SPANXB1: variants seen among roughly 807,000 people sequenced by gnomAD.
SPANXB1 encodes SPANX family member B1, also known as sperm protein associated with the nucleus on the X chromosome B1.
SPANXB1 carries 1 observed loss-of-function variant against 2.0 expected under a neutral mutation model. The ratio of observed to expected loss-of-function variants is 0.49; its 90% CI spans 0.18 to 2.34. The LOEUF is 2.34. Among genes scored for constraint, SPANXB1 ranks in the 30% most tolerant of loss-of-function variants. SPANXB1 has a pLI of 0.26. For synonymous variants in SPANXB1, 22 were observed against 35.8 expected (o/e 0.61, Z 1.38); for missense variants, 70 against 87.5 (o/e 0.80, Z 0.80).
Position 141,002,644 on chromosome X carries a change from T to C in SPANXB1, c.-50T>C. ...CAAGAGCTCTGGGCCACTGCGAAGA[T>C]TCAAAAGCTCCAAAAACCTACTGTA... is the stretch of plus-strand genomic sequence containing the variant. On this transcript the variant is annotated 5_prime_UTR_variant, in exon 1 of 2. Coordinates refer to ENST00000449283, the MANE Select transcript of SPANXB1 (RefSeq NM_032461.4). The C allele has an allele frequency of 1.7e-6, 2 of 1,212,111 alleles. No individual in the cohort carries two copies. Among genetic ancestry groups the C allele is most frequent in the South Asian group, 1.8e-5 (1 of 57,062 alleles).
At position 141,003,685 on chromosome X, in the gene SPANXB1, A is replaced by G. The variant is rs1319094474; in HGVS notation, c.*33A>G. On this transcript the variant is annotated 3_prime_UTR_variant, in exon 2 of 2. Coordinates refer to ENST00000449283, the MANE Select transcript of SPANXB1 (RefSeq NM_032461.4). Reference sequence around the variant, plus strand: ...CTACATCCCTCAAACTTCGGCAATGAAAATAAAGTTTGAGAAGCTGATGGC... The same window carrying G: ...CTACATCCCTCAAACTTCGGCAATGGAAATAAAGTTTGAGAAGCTGATGGC... 1 of 1,210,454 alleles carries G rather than the reference A, an allele frequency of 8.3e-7. No homozygotes were observed. Among genetic ancestry groups the G allele is most frequent in the African/African-American group, 1.7e-5 (1 of 58,085 alleles).
rs1386972550 is a variant in SPANXB1, at chrX:141,003,482, A to C, written c.142A>C (p.Met48Leu). The change falls in exon 2 of 2, where the codon ATG (methionine) becomes CTG (leucine). Residue 48 changes from methionine (M) to leucine (L), a missense_variant. Around this residue, in one of 3 missense-constraint regions of SPANXB1, gnomAD observed 5 missense variants for 37.4 expected, o/e 0.13. Coordinates refer to ENST00000449283, the MANE Select transcript of SPANXB1 (RefSeq NM_032461.4). ...DSDPQPAPKK[M>L]KTSESSTILV... is the part of the protein sequence containing the mutation. ...AGACCCGCAACCTGCTCCTAAAAAA[A>C]TGAAAACATCTGAGTCCTCGACCAT... 76 of 1,211,594 alleles carry C rather than the reference A, an allele frequency of 6.3e-5. No homozygotes were observed. The highest frequency in any genetic ancestry group is 6.0e-4 in the African/African-American group (35 of 57,870).
chrX:141,002,700 C>G lies in SPANXB1; in HGVS notation c.7C>G (p.Gln3Glu), dbSNP rs1259136219. Residue 3 changes from glutamine (Q) to glutamate (E), a missense_variant, in exon 1 of 2, where the codon CAA (glutamine) becomes GAA (glutamate). Physicochemically the swap from Gln to Glu is conservative, Grantham distance 29. This residue lies in a region of SPANXB1 where 42 missense variants were observed against 24.9 expected (regional missense o/e 1.69). Transcript: ENST00000449283. ...CGAAGAACCAATATATACAATGGGCCAACAATCCAGTGTCCGCAGGCTGAA... is the reference window on the plus strand; with the variant it reads ...CGAAGAACCAATATATACAATGGGCGAACAATCCAGTGTCCGCAGGCTGAA... MG[Q>E]QSSVRRLKRS... The G allele has an allele frequency of 8.2e-7, 1 of 1,212,553 alleles. No homozygotes were observed. The highest frequency in any genetic ancestry group is 2.2e-5 in the Admixed American group (1 of 46,160).
In SPANXB1 at chrX:141,002,672, C is replaced by T. The variant is rs1957586753; in HGVS notation, c.-22C>T. 1 of 1,212,534 alleles carries T rather than the reference C, an allele frequency of 8.2e-7. No homozygotes were observed. Among genetic ancestry groups the T allele is most frequent in the Non-Finnish European group, 1.1e-6 (1 of 895,408 alleles). On this transcript the variant is annotated 5_prime_UTR_variant, in exon 1 of 2. Transcript: ENST00000449283. The stretch of plus-strand genomic sequence containing the variant: ...AAAAGCTCCAAAAACCTACTGTAGA[C>T]ATCGAAGAACCAATATATACAATGG...
Position 141,003,465 on chromosome X carries a change from A to C in SPANXB1, c.125A>C (p.Gln42Pro), listed in dbSNP as rs1214115991. 11,804 of 1,201,834 alleles carry C rather than the reference A, an allele frequency of 9.8e-3. 1 individual carries two copies. Among genetic ancestry groups the C allele is most frequent in the Admixed American group, 0.013 (583 of 44,808 alleles). ...PETPTGDSDP[Q>P]PAPKKMKTSE... Reference sequence around the variant, plus strand: ...ACCCCAACTGGGGACTCAGACCCGCAACCTGCTCCTAAAAAAATGAAAACA... The same window carrying C: ...ACCCCAACTGGGGACTCAGACCCGCCACCTGCTCCTAAAAAAATGAAAACA... Residue 42 changes from glutamine to proline, a missense_variant, in exon 2 of 2, where the codon CAA becomes CCA. By Grantham distance (76) the Gln-to-Pro change is moderately conservative. Transcript: ENST00000449283.
intron 1 of SPANXB1, among the ~76,000 whole-genome samples, chrX:141,003,155 G>A (rs1171673558): frequency 1.8e-5 from 2 of 113,244 alleles, no homozygotes; most frequent in African/African-American, 6.3e-5. Context: ...TGTTTCTCAC[G>A]GCCTGAACCC....
chrX:141,003,248 C>G (rs6418846), intron 1 of SPANXB1, among the ~76,000 whole-genome samples, 183 bp from the exon 2 acceptor site: 3,838 of 109,678 alleles, frequency 0.035, 32 homozygotes, highest in East Asian at 0.17. Context: ...ACAGGTGACC[C>G]TACCCACGCT....
Position 141,002,762 on chromosome X carries a change from G to A in SPANXB1, c.69G>A (p.Glu23=), listed in dbSNP as rs1313435044. 139 of 1,203,446 alleles carry A rather than the reference G, an allele frequency of 1.2e-4. 3 individuals are homozygous for A. The South Asian group carries it at 2.2e-3, about 19-fold the overall frequency. Residue 23 remains glutamate (E), a synonymous_variant, in exon 1 of 2, where the codon GAG becomes GAA. Transcript: ENST00000449283. ...SVPCESNEAN[E]ANEANKTMPE... ...CCTGTGAATCCAACGAGGCCAACGA[G>A]GCCAATGAGGCCAACAAGACGGTAA...
At position 141,002,754 on chromosome X, in the gene SPANXB1, G is replaced by C; in HGVS notation, c.61G>C (p.Ala21Pro). 5.0e-6 allele frequency: 6 copies of C among 1,198,952 alleles called. No individual in the cohort carries two copies. The highest frequency in any genetic ancestry group is 6.7e-6 in the Non-Finnish European group (6 of 889,719). The change falls in exon 1 of 2, where the codon GCC (alanine) becomes CCC (proline). Residue 21 changes from alanine to proline, a missense_variant. By Grantham distance (27) the Ala-to-Pro change is conservative. Around this residue, in one of 3 missense-constraint regions of SPANXB1, gnomAD observed 42 missense variants for 24.9 expected, o/e 1.69. Transcript: ENST00000449283. ...KRSVPCESNE[A>P]NEANEANKTM... The stretch of plus-strand genomic sequence containing the variant: ...GAGCGTCCCCTGTGAATCCAACGAG[G>C]CCAACGAGGCCAATGAGGCCAACAA...
Position 141,003,693 on chromosome X carries a change from G to C in SPANXB1, c.*41G>C. On this transcript the variant is annotated 3_prime_UTR_variant, in exon 2 of 2. Coordinates refer to ENST00000449283, the MANE Select transcript of SPANXB1 (RefSeq NM_032461.4). ...CTCAAACTTCGGCAATGAAAATAAA[G>C]TTTGAGAAGCTGATGGCTGTGTATA... The C allele has an allele frequency of 8.3e-7, 1 of 1,210,703 alleles. No homozygotes were observed. The highest frequency in any genetic ancestry group is 1.1e-6 in the Non-Finnish European group (1 of 894,014).
At chrX:141,002,917 C>A in intron 1 of SPANXB1, 134 bp downstream of exon 1, 2 of 1,146,222 alleles carry the variant, frequency 1.7e-6, no homozygotes, top group Non-Finnish European at 2.4e-6. Flanking sequence ...CAGAGCCCAC[C>A]GCCGCTTACA....
In SPANXB1 at chrX:141,002,736, C is replaced by A; in HGVS notation, c.43C>A (p.Pro15Thr). Residue 15 changes from proline (P) to threonine (T), a missense_variant, in exon 1 of 2, where the codon CCC becomes ACC. This residue lies in a region of SPANXB1 where 42 missense variants were observed against 24.9 expected (regional missense o/e 1.69). Coordinates refer to ENST00000449283, the MANE Select transcript of SPANXB1 (RefSeq NM_032461.4). Reference sequence around the variant, plus strand: ...TGTCCGCAGGCTGAAGAGGAGCGTCCCCTGTGAATCCAACGAGGCCAACGA... The same window carrying A: ...TGTCCGCAGGCTGAAGAGGAGCGTCACCTGTGAATCCAACGAGGCCAACGA... ...SSVRRLKRSV[P>T]CESNEANEAN... 2 of 1,212,641 alleles carry A rather than the reference C, an allele frequency of 1.6e-6. No individual in the cohort carries two copies. The highest frequency in any genetic ancestry group is 3.0e-5 in the East Asian group (1 of 33,829).
At position 141,003,676 on chromosome X, in the gene SPANXB1, T is replaced by G; in HGVS notation, c.*24T>G. The stretch of plus-strand genomic sequence containing the variant: ...AGCAAGAAGCTACATCCCTCAAACT[T>G]CGGCAATGAAAATAAAGTTTGAGAA... On this transcript the variant is annotated 3_prime_UTR_variant, in exon 2 of 2. Coordinates refer to ENST00000449283, the MANE Select transcript of SPANXB1 (RefSeq NM_032461.4). 2.5e-6 allele frequency: 3 copies of G among 1,211,060 alleles called. 1 individual carries two copies. In the South Asian group the frequency reaches 5.3e-5, roughly 21 times the overall value.
In SPANXB1 at chrX:141,003,666, C is replaced by A. The variant is rs2012356148; in HGVS notation, c.*14C>A. 5 of 1,211,204 alleles carry A rather than the reference C, an allele frequency of 4.1e-6. No individual in the cohort carries two copies. The highest frequency in any genetic ancestry group is 3.0e-5 in the East Asian group (1 of 33,774). ...CCTAAAAAGTAGCAAGAAGCTACAT[C>A]CCTCAAACTTCGGCAATGAAAATAA... On this transcript the variant is annotated 3_prime_UTR_variant, in exon 2 of 2. Coordinates refer to ENST00000449283, the MANE Select transcript of SPANXB1 (RefSeq NM_032461.4).
At chrX:141,003,181 C>G (rs1489442091) in intron 1 of SPANXB1, among the ~76,000 whole-genome samples, 3 of 113,211 alleles carry the variant, frequency 2.6e-5, no homozygotes, top group Non-Finnish European at 5.6e-5. Flanking sequence ...GGATGTTTCA[C>G]TTTGACCAAG....
chrX:141,003,357 C>A, intron 1 of SPANXB1, 74 bp from the exon 2 acceptor site: 1 of 1,176,125 alleles, frequency 8.5e-7, no homozygotes. Flanking sequence ...TCTCATGAAG[C>A]CCCCTTGCTA....
chrX:141,003,203 A>G (rs2012340537), intron 1 of SPANXB1, among the ~76,000 whole-genome samples: 1 of 113,139 alleles, frequency 8.8e-6, no homozygotes, highest in Admixed American at 9.4e-5. Context: ...TCTGCAAAAT[A>G]GCAAAGAACT....
At chrX:141,003,347 T>A in intron 1 of SPANXB1, 84 bp from the exon 2 acceptor site, 5 of 1,210,586 alleles carry the variant, frequency 4.1e-6, no homozygotes, top group Non-Finnish European at 5.6e-6. Flanking sequence ...CATTCCTTCT[T>A]CTCATGAAGC....
chrX:141,003,105 T>C (rs1217744830), intron 1 of SPANXB1, among the ~76,000 whole-genome samples: 9 of 113,311 alleles, frequency 7.9e-5, no homozygotes, highest in African/African-American at 2.2e-4. Context: ...TTTCTTCAGT[T>C]GGGCCTTTGT....
Sources: gnomAD v4.1 joint callset for allele counts (sites outside exome capture counted in the v4.1 genomes callset) on GRCh38, gnomAD v4.1.1 for gene constraint, gnomAD v4.1.1 regional missense constraint, MANE v1.5 for transcripts, NCBI Gene and HGNC (gene_info 2026-07-23, HGNC 2026-07-21) for gene names.